Variants in SGCD observed in about 807,000 individuals in gnomAD.
The protein encoded by SGCD is sarcoglycan delta.
In SGCD, 18 loss-of-function variants were observed where a neutral mutation model predicts 36.6. That is an observed-to-expected ratio of 0.49 (90% confidence interval 0.34 to 0.73). The LOEUF (loss-of-function observed/expected upper bound fraction) is 0.73, where lower values mean the gene tolerates loss of function less well. Among genes scored for constraint, SGCD ranks in the 30% least tolerant of loss-of-function variants. The probability of loss-of-function intolerance (pLI) is 0.01; values close to 1 mark genes in which losing one functional copy is unlikely to be tolerated. For synonymous variants in SGCD, 133 were observed against 130.6 expected (o/e 1.02, Z -0.12); for missense variants, 387 against 346.7 (o/e 1.12, Z -0.92).
chr5:156,755,139 G>C (rs1355860854), intron 7 of SGCD, among the ~76,000 whole-genome samples: 1 of 152,176 alleles, frequency 6.6e-6, no homozygotes, highest in Non-Finnish European at 1.5e-5. Context: ...GGGAAAGGAA[G>C]AAAGATTTGT....
At chr5:156,733,974 G>A (rs575878198) in intron 7 of SGCD, among the ~76,000 whole-genome samples, 24 of 152,054 alleles carry the variant, frequency 1.6e-4, no homozygotes, top group African/African-American at 4.3e-4. Flanking sequence ...TGATCTTAGC[G>A]GGTTATTTTG....
At chr5:156,257,728 A>G (rs10062793) in intron 3 of SGCD, among the ~76,000 whole-genome samples, 128,027 of 151,778 alleles carry the variant, frequency 0.84, 54,205 homozygotes, top group East Asian at 0.92. Flanking sequence ...GTCAGGTGTG[A>G]TAGGGCACGC....
chr5:156,170,548 A>C (rs562992191), intron 3 of SGCD, among the ~76,000 whole-genome samples: 15 of 152,306 alleles, frequency 9.8e-5, no homozygotes, highest in African/African-American at 3.6e-4. Context: ...TCCAGGGAGC[A>C]AGTGCTTTTG....
At chr5:156,131,578 T>TATG (rs1762325254) in intron 3 of SGCD, among the ~76,000 whole-genome samples, 1 of 152,210 alleles carries the variant, frequency 6.6e-6, no homozygotes, top group Admixed American at 6.5e-5. Flanking sequence ...TATGTGTGTC[T>TATG]ATGTATTCAC....
intron 3 of SGCD, among the ~76,000 whole-genome samples, chr5:156,503,228 C>T (rs1215253235): frequency 6.6e-6 from 1 of 151,980 alleles, no homozygotes; most frequent in Non-Finnish European, 1.5e-5. Flanking sequence ...AACTGTCTTA[C>T]AGGATGGGAT....
chr5:155,846,981 C>T, the SGCD span, among the ~76,000 whole-genome samples: 67 of 152,200 alleles, frequency 4.4e-4, 1 homozygote, highest in Middle Eastern at 3.4e-3. Flanking sequence ...ACTTCAAAAG[C>T]GTGTGCTTAA....
At chr5:156,123,160 G>A (rs1561528901) in intron 2 of SGCD, among the ~76,000 whole-genome samples, 2 of 152,122 alleles carry the variant, frequency 1.3e-5, no homozygotes, top group South Asian at 4.1e-4. Context: ...AGTTGTTGAA[G>A]AGTCAGTTGA....
chr5:156,734,061 T>G (rs1388156841), intron 7 of SGCD, among the ~76,000 whole-genome samples: 1 of 152,188 alleles, frequency 6.6e-6, no homozygotes, highest in Non-Finnish European at 1.5e-5. Flanking sequence ...TTTTCCATAT[T>G]TAGTGCTTCT....
At chr5:155,899,679 C>G (rs1468553051) in intron 1 of SGCD, among the ~76,000 whole-genome samples, 1 of 152,252 alleles carries the variant, frequency 6.6e-6, no homozygotes, top group East Asian at 1.9e-4. Flanking sequence ...CCCACCCCAT[C>G]ACAATTAGTT....
intron 7 of SGCD, among the ~76,000 whole-genome samples, chr5:156,700,959 A>AG (rs941105616): frequency 4.2e-5 from 5 of 119,494 alleles, no homozygotes; most frequent in African/African-American, 1.5e-4. Context: ...AAAAAAAAAA[A>AG]GAGAGAGAGA....
chr5:155,760,323 C>CTCTCCATCATCA, the SGCD span, among the ~76,000 whole-genome samples: 2 of 24 alleles, frequency 0.083, no homozygotes, highest in Admixed American at 0.5. Context: ...CATCATCACT[C>CTCTCCATCATCA]TNNNNNNNNN....
At chr5:156,135,397 G>T (rs1182552302) in intron 3 of SGCD, among the ~76,000 whole-genome samples, 1 of 152,056 alleles carries the variant, frequency 6.6e-6, no homozygotes, top group African/African-American at 2.4e-5. Context: ...CTAGGCCAGG[G>T]ATATAAGACA....
At chr5:155,789,212 T>C in the SGCD span, among the ~76,000 whole-genome samples, 1 of 152,164 alleles carries the variant, frequency 6.6e-6, no homozygotes. Flanking sequence ...CTTTTCTCTT[T>C]TTTTGAATAT....
intron 3 of SGCD, among the ~76,000 whole-genome samples, chr5:156,460,541 T>C (rs1370744525): frequency 6.6e-6 from 1 of 152,136 alleles, no homozygotes; most frequent in Non-Finnish European, 1.5e-5. Flanking sequence ...CAGACAGTGA[T>C]GGATCCAGCA....
the SGCD span, among the ~76,000 whole-genome samples, chr5:155,815,113 C>T: frequency 2.3e-4 from 35 of 152,088 alleles, no homozygotes; most frequent in South Asian, 3.1e-3. Context: ...TTTTTTATTT[C>T]GGACATATCT....
At chr5:156,119,878 A>G (rs1761992468) in intron 2 of SGCD, among the ~76,000 whole-genome samples, 1 of 152,134 alleles carries the variant, frequency 6.6e-6, no homozygotes, top group African/African-American at 2.4e-5. Flanking sequence ...GCAACCACTA[A>G]TTGATACCTT....
At chr5:156,146,307 G>T (rs1053678457) in intron 3 of SGCD, among the ~76,000 whole-genome samples, 6 of 152,108 alleles carry the variant, frequency 3.9e-5, no homozygotes, top group Admixed American at 3.9e-4. Flanking sequence ...CATACTACCT[G>T]GTTCTCCAAT....
chr5:155,731,909 A>T, the SGCD span, among the ~76,000 whole-genome samples: 1 of 151,500 alleles, frequency 6.6e-6, no homozygotes, highest in Non-Finnish European at 1.5e-5. Context: ...CCCTTCTCTA[A>T]TTTGTTTCTG....
intron 4 of SGCD, among the ~76,000 whole-genome samples, chr5:156,551,620 G>A (rs1002127929): frequency 3.9e-5 from 6 of 152,064 alleles, no homozygotes; most frequent in Admixed American, 2.6e-4. Flanking sequence ...AGGAAGTGGG[G>A]GAGGAAAGGA....
Sources: gnomAD v4.1 joint callset for allele counts (sites outside exome capture counted in the v4.1 genomes callset) on GRCh38, gnomAD v4.1.1 for gene constraint, MANE v1.5 for transcripts, NCBI Gene and HGNC (gene_info 2026-07-23, HGNC 2026-07-21) for gene names.